Variants in HIF1A observed in about 807,000 individuals in gnomAD.
HIF1A encodes the protein hypoxia-inducible factor 1-alpha.
HIF1A carries 24 observed loss-of-function variants against 92.7 expected under a neutral mutation model. The ratio of observed to expected loss-of-function variants is 0.26; its 90% CI spans 0.19 to 0.36. The LOEUF is 0.36. HIF1A is among the 10% of genes least tolerant of loss of function. The probability of loss-of-function intolerance (pLI) is 1.00; values close to 1 mark genes in which losing one functional copy is unlikely to be tolerated. For synonymous variants in HIF1A, 319 were observed against 338.7 expected (o/e 0.94, Z 0.64); for missense variants, 799 against 998.5 (o/e 0.80, Z 2.69).
chr14:61,741,302 G>A lies in HIF1A; in HGVS notation c.2093+114G>A, dbSNP rs950183660. ...AACTTTCTGATATATATGCCCTAAC[G>A]CAAATTCTTGAGAACTCAAAAAACT... is the stretch of plus-strand genomic sequence containing the variant. On this transcript the variant is annotated intron_variant, in intron 12 of 14. Transcript: ENST00000337138. 1.3e-5 allele frequency: 8 copies of A among 630,228 alleles called. No individual in the cohort carries two copies. The East Asian group carries it at 2.1e-4, about 16-fold the overall frequency. 39.0% of individuals were successfully genotyped at this position (630,228 alleles called of 1,614,324 possible). A position where few individuals can be genotyped will look rare whatever the true frequency, so the allele number is the denominator to read the frequency against.
intron 9 of HIF1A, 57 bp downstream of exon 9, chr14:61,737,166 T>G: frequency 8.5e-7 from 1 of 1,170,150 alleles, no homozygotes; most frequent in South Asian, 1.3e-5. Context: ...AAGCCCCATT[T>G]CAACTAAACA....
intron 13 of HIF1A, 98 bp downstream of exon 13, chr14:61,744,911 A>G: frequency 5.6e-6 from 3 of 533,556 alleles, no homozygotes; most frequent in Non-Finnish European, 1.0e-5. Context: ...GTTTCTTCCA[A>G]ATAGTAAAGT....
At chr14:61,742,542 AG>A (rs2140158594) in intron 12 of HIF1A, among the ~76,000 whole-genome samples, 1 of 152,270 alleles carries the variant, frequency 6.6e-6, no homozygotes, top group African/African-American at 2.4e-5. Context: ...TGGGCATTTT[AG>A]TGATACTAAT....
chr14:61,714,044 G>GT (rs1483023343), intron 1 of HIF1A, among the ~76,000 whole-genome samples: 29 of 152,112 alleles, frequency 1.9e-4, no homozygotes, highest in Non-Finnish European at 3.7e-4. Flanking sequence ...CTGTTGGAGA[G>GT]TTTTTTCCAA....
Position 61,714,527 on chromosome 14 carries a change from C to A in HIF1A, c.36-5855C>A, listed in dbSNP as rs151093229. Among the ~76,000 whole-genome samples the A allele has an allele frequency of 2.7e-3, 412 of 152,220 alleles. 4 individuals are homozygous for A. The highest frequency in any genetic ancestry group is 9.2e-3 in the African/African-American group (381 of 41,534). On this transcript the variant is annotated intron_variant, in intron 1 of 14. Coordinates refer to ENST00000337138, the MANE Select transcript of HIF1A (RefSeq NM_001530.4). ...GAGAGTTACCTTCCAGTGTTTATGC[C>A]ACCATTATACAAAATTCTGGAGGAC... is the stretch of plus-strand genomic sequence containing the variant.
At position 61,746,968 on chromosome 14, in the gene HIF1A, T is replaced by G. The variant is rs1434107649; in HGVS notation, c.2364T>G (p.Asp788Glu). Residue 788 changes from aspartate to glutamate, a missense_variant, in exon 15 of 15, where the codon GAT (aspartate) becomes GAG (glutamate). By Grantham distance (45) the Asp-to-Glu change is conservative. Around this residue, in one of 2 missense-constraint regions of HIF1A, gnomAD observed 283 missense variants for 277.5 expected, o/e 1.02. Transcript: ENST00000337138. ...LACRLLGQSM[D>E]ESGLPQLTSY... ...GTAGACTGCTGGGGCAATCAATGGA[T>G]GAAAGTGGATTACCACAGCTGACCA... 1.9e-6 allele frequency: 3 copies of G among 1,613,098 alleles called. No individual in the cohort carries two copies. Among genetic ancestry groups the G allele is most frequent in the Non-Finnish European group, 1.7e-6 (2 of 1,179,628 alleles).
intron 4 of HIF1A, among the ~76,000 whole-genome samples, chr14:61,723,103 C>G (rs1230953728): frequency 6.6e-6 from 1 of 152,144 alleles, no homozygotes; most frequent in Non-Finnish European, 1.5e-5. Flanking sequence ...CTTTGTTGCT[C>G]TCCAATTTAA....
At chr14:61,697,360 T>C (rs1240594489) in intron 1 of HIF1A, among the ~76,000 whole-genome samples, 1 of 152,206 alleles carries the variant, frequency 6.6e-6, no homozygotes. Flanking sequence ...AGCTGCTATA[T>C]TGTAAACCTA....
chr14:61,715,156 GACTGAATT>G (rs1286121686), intron 1 of HIF1A, among the ~76,000 whole-genome samples: 3 of 152,178 alleles, frequency 2.0e-5, no homozygotes, highest in African/African-American at 7.2e-5. Context: ...TGGGAGTATA[GACTGAATT>G]ACCATCTTTT....
At chr14:61,700,283 T>A (rs1030229818) in intron 1 of HIF1A, among the ~76,000 whole-genome samples, 1 of 152,164 alleles carries the variant, frequency 6.6e-6, no homozygotes, top group African/African-American at 2.4e-5. Flanking sequence ...AGCTGAAATC[T>A]TACCCATTAA....
At chr14:61,727,377 TCAA>T (rs2044518889) in intron 5 of HIF1A, 73 bp from the exon 6 acceptor site, 2 of 1,065,380 alleles carry the variant, frequency 1.9e-6, no homozygotes, top group South Asian at 2.6e-5. Context: ...CATGTCAGAC[TCAA>T]CTACTTATCT....
Position 61,707,735 on chromosome 14 carries a change from T to A in HIF1A, c.35+11896T>A, listed in dbSNP as rs1256828679. Among the ~76,000 whole-genome samples, 15 of 151,248 alleles carry A rather than the reference T, an allele frequency of 9.9e-5. No homozygotes were observed. In the East Asian group the frequency reaches 2.9e-3, roughly 29 times the overall value. On this transcript the variant is annotated intron_variant, in intron 1 of 14. Transcript: ENST00000337138. ...TGGACATTTGGGTTGGTTCCAAGTC[T>A]TTGCTATTGTGAATAGTGCCACAAT... is the stretch of plus-strand genomic sequence containing the variant.
At chr14:61,742,783 G>A (rs1163571430) in intron 12 of HIF1A, among the ~76,000 whole-genome samples, 1 of 151,132 alleles carries the variant, frequency 6.6e-6, no homozygotes, top group African/African-American at 2.4e-5. Context: ...ACTTTGGGAG[G>A]TTGAGGCAGG....
At chr14:61,706,334 G>A (rs2044239126) in intron 1 of HIF1A, among the ~76,000 whole-genome samples, 1 of 152,132 alleles carries the variant, frequency 6.6e-6, no homozygotes, top group Non-Finnish European at 1.5e-5. Context: ...AAAAAATTCA[G>A]TTGCCACATT....
intron 8 of HIF1A, among the ~76,000 whole-genome samples, chr14:61,735,283 T>C (rs73331680): frequency 0.02 from 3,024 of 152,330 alleles, 42 homozygotes; most frequent in African/African-American, 0.029. Context: ...CCCTTTAAAA[T>C]CTAGGGTCAC....
chr14:61,698,864 T>C (rs1465859221), intron 1 of HIF1A: 1 of 152,222 alleles, frequency 6.6e-6, no homozygotes, highest in South Asian at 2.1e-4. Context: ...CTCTGGACTC[T>C]AGAGTCAAAC....
intron 1 of HIF1A, among the ~76,000 whole-genome samples, chr14:61,700,127 T>C (rs1253762113): frequency 6.6e-6 from 1 of 152,186 alleles, no homozygotes; most frequent in Non-Finnish European, 1.5e-5. Context: ...ATGGCTTTTT[T>C]CTTATAGCTT....
Position 61,727,515 on chromosome 14 carries a change from G to A in HIF1A, c.633G>A (p.Gly211=), listed in dbSNP as rs143417945. ...YDTNSNQPQC[G]YKKPPMTCLV... ...CCAACAGTAACCAACCTCAGTGTGG[G>A]TATAAGAAACCACCTATGACCTGCT... The change falls in exon 6 of 15, where the codon GGG becomes GGA. Residue 211 remains glycine (G), a synonymous_variant. Transcript: ENST00000337138. 4.2e-4 allele frequency: 673 copies of A among 1,613,822 alleles called. 3 individuals are homozygous for A. The African/African-American group carries it at 7.3e-3, about 17-fold the overall frequency.
intron 6 of HIF1A, among the ~76,000 whole-genome samples, chr14:61,730,361 G>C (rs941867140): frequency 6.6e-6 from 1 of 152,082 alleles, no homozygotes; most frequent in Non-Finnish European, 1.5e-5. Flanking sequence ...TTTAGTGATA[G>C]ACATACCTCA....
Sources: allele counts gnomAD v4.1 joint callset (sites outside exome capture counted in the v4.1 genomes callset), GRCh38; gene constraint gnomAD v4.1.1; regional missense constraint gnomAD v4.1.1; transcripts MANE v1.5; gene names NCBI Gene and HGNC (gene_info 2026-07-23, HGNC 2026-07-21).